WWC2: variants seen among roughly 807,000 people sequenced by gnomAD.
The protein encoded by WWC2 is protein WWC2.
WWC2 carries 101 observed loss-of-function variants against 138.5 expected under a neutral mutation model. The ratio of observed to expected loss-of-function variants is 0.73; its 90% CI spans 0.62 to 0.86. The LOEUF is 0.86. Ranked by LOEUF, WWC2 falls within the 40% of genes least tolerant of loss-of-function variation. The pLI, the probability that WWC2 is intolerant of heterozygous loss-of-function variation, is 0.00. For synonymous variants in WWC2, 558 were observed against 538.4 expected, an observed-to-expected ratio of 1.04 and a Z score of -0.50; for missense variants, 1,420 against 1,419.4, an observed-to-expected ratio of 1.00 and a Z score of -0.01.
At chr4:183,175,387 A>C (rs1015044155) in intron 1 of WWC2, among the ~76,000 whole-genome samples, 2 of 151,818 alleles carry the variant, frequency 1.3e-5, no homozygotes, top group African/African-American at 2.4e-5. Context: ...TCAGTCTCCC[A>C]AGTAGCTGGG....
At chr4:183,293,139 G>T (rs935549690) in intron 21 of WWC2, among the ~76,000 whole-genome samples, 2 of 152,134 alleles carry the variant, frequency 1.3e-5, no homozygotes, top group African/African-American at 4.8e-5. Flanking sequence ...ATTTTTAGTA[G>T]AGACAGGGTT....
chr4:183,207,859 A>C (rs970537318), intron 2 of WWC2, 94 bp from the exon 3 acceptor site: 7 of 1,184,842 alleles, frequency 5.9e-6, no homozygotes, highest in Non-Finnish European at 8.2e-6. Context: ...TCCTTAGAGG[A>C]TACAAGAACT....
intron 21 of WWC2, among the ~76,000 whole-genome samples, chr4:183,304,097 C>G (rs1478704611): frequency 6.6e-6 from 1 of 151,994 alleles, no homozygotes; most frequent in Non-Finnish European, 1.5e-5. Context: ...TTCAATCTAA[C>G]AGCAAGTAAA....
chr4:183,247,548 A>G (rs186048951), intron 6 of WWC2, among the ~76,000 whole-genome samples: 74 of 142,588 alleles, frequency 5.2e-4, no homozygotes, highest in Non-Finnish European at 8.1e-4. Flanking sequence ...TACTATATAT[A>G]TACTGTATAT....
intron 20 of WWC2, among the ~76,000 whole-genome samples, chr4:183,286,393 C>T (rs1738254806): frequency 6.6e-6 from 1 of 152,084 alleles, no homozygotes; most frequent in Non-Finnish European, 1.5e-5. Flanking sequence ...ATGTCCAGGT[C>T]TTGAGCGATT....
chr4:183,292,256 A>C (rs1268240485), intron 21 of WWC2, among the ~76,000 whole-genome samples: 3 of 151,868 alleles, frequency 2.0e-5, no homozygotes, highest in Non-Finnish European at 2.9e-5. Context: ...ACACACAGAC[A>C]CACACACACA....
chr4:183,124,599 T>C (rs1245197146), intron 1 of WWC2, among the ~76,000 whole-genome samples: 10 of 151,460 alleles, frequency 6.6e-5, no homozygotes, highest in Non-Finnish European at 1.3e-4. Context: ...GCAGATCTTT[T>C]TTTTTTTTGA....
intron 4 of WWC2, among the ~76,000 whole-genome samples, chr4:183,222,230 T>C (rs1484703284): frequency 7.9e-5 from 12 of 152,126 alleles, no homozygotes; most frequent in Admixed American, 7.9e-4. Context: ...TATTGTACAT[T>C]TAAAATTTGT....
intron 1 of WWC2, among the ~76,000 whole-genome samples, chr4:183,122,420 T>C (rs887405985): frequency 1.3e-5 from 2 of 152,112 alleles, no homozygotes; most frequent in African/African-American, 4.8e-5. Flanking sequence ...TACAATAAAA[T>C]TAAAACTCTG....
In WWC2 at chr4:183,145,197, AG is replaced by A. The variant is rs541499109; in HGVS notation, c.131+45578del. Among the ~76,000 whole-genome samples the A allele has an allele frequency of 2.6e-5, 4 of 152,330 alleles. No individual in the cohort carries two copies. The South Asian group carries it at 8.3e-4, about 32-fold the overall frequency. On this transcript the variant is annotated intron_variant, in intron 1 of 22. Coordinates refer to ENST00000403733, the MANE Select transcript of WWC2 (RefSeq NM_024949.6). Reference sequence around the variant, plus strand: ...AAGTTTCTTTGCCTCTTGCCCTCATAGGGTTGTTAAAGAGGTTAAATGTGTG... The same window carrying A: ...AAGTTTCTTTGCCTCTTGCCCTCATAGGTTGTTAAAGAGGTTAAATGTGTG...
At chr4:183,231,974 C>T (rs1444035786) in intron 4 of WWC2, among the ~76,000 whole-genome samples, 1 of 152,100 alleles carries the variant, frequency 6.6e-6, no homozygotes, top group African/African-American at 2.4e-5. Flanking sequence ...TGGGATCTTC[C>T]AGAAACAATT....
chr4:183,273,687 T>C (rs1248933345), intron 16 of WWC2, among the ~76,000 whole-genome samples: 2 of 152,208 alleles, frequency 1.3e-5, no homozygotes, highest in African/African-American at 4.8e-5. Flanking sequence ...TTTGCAGATA[T>C]TTTCTCTCAT....
intron 1 of WWC2, among the ~76,000 whole-genome samples, chr4:183,164,166 A>G (rs1309488366): frequency 6.6e-6 from 1 of 151,094 alleles, no homozygotes; most frequent in Non-Finnish European, 1.5e-5. Context: ...AATTTCATTT[A>G]GTAAGATTGC....
intron 1 of WWC2, among the ~76,000 whole-genome samples, chr4:183,144,480 A>C (rs747781494): frequency 8.5e-5 from 13 of 152,204 alleles, no homozygotes; most frequent in Non-Finnish European, 1.9e-4. Flanking sequence ...AAATTTAGAG[A>C]CTATAGTGCT....
chr4:183,148,037 C>G (rs1455169607), intron 1 of WWC2, among the ~76,000 whole-genome samples: 2 of 152,144 alleles, frequency 1.3e-5, no homozygotes, highest in Non-Finnish European at 1.5e-5. Flanking sequence ...AATTCCAGCT[C>G]TGCTGTGAAA....
At chr4:183,158,069 T>C (rs1733857446) in intron 1 of WWC2, among the ~76,000 whole-genome samples, 1 of 152,154 alleles carries the variant, frequency 6.6e-6, no homozygotes, top group African/African-American at 2.4e-5. Flanking sequence ...TAGGGAGTGA[T>C]TTTAGATCAA....
At position 183,264,978 on chromosome 4, in the gene WWC2, A is replaced by T; in HGVS notation, c.1910A>T (p.Asp637Val). 1.2e-6 allele frequency: 2 copies of T among 1,612,162 alleles called. No individual in the cohort carries two copies. The highest frequency in any genetic ancestry group is 1.7e-6 in the Non-Finnish European group (2 of 1,178,984). The change falls in exon 12 of 23, where the codon GAT (aspartate) becomes GTT (valine). Residue 637 changes from aspartate to valine, a missense_variant and splice_region_variant. Physicochemically the swap from Asp to Val is radical, Grantham distance 152. Transcript: ENST00000403733. The stretch of plus-strand genomic sequence containing the variant: ...AGTGCTCTCACCCTCCCCTCCATAG[A>T]TGTGGAAAAATCATTACCAAAAAGA... ...AREPLYEGTA[D>V]VEKSLPKRRV... is the part of the protein sequence containing the mutation.
At chr4:183,269,270 G>T in intron 15 of WWC2, 107 bp downstream of exon 15, 1 of 1,087,296 alleles carries the variant, frequency 9.2e-7, no homozygotes, top group Non-Finnish European at 1.3e-6. Flanking sequence ...CTACAGACCT[G>T]CCCAACATCT....
intron 2 of WWC2, among the ~76,000 whole-genome samples, chr4:183,195,941 G>A (rs1045728423): frequency 6.6e-6 from 1 of 152,190 alleles, no homozygotes; most frequent in Admixed American, 6.5e-5. Flanking sequence ...CCTGATGGGA[G>A]GTGATTGGAT....
Sources: gnomAD v4.1 joint callset for allele counts (sites outside exome capture counted in the v4.1 genomes callset) on GRCh38, gnomAD v4.1.1 for gene constraint, MANE v1.5 for transcripts, NCBI Gene and HGNC (gene_info 2026-07-23, HGNC 2026-07-21) for gene names.